Variants in TENT4B observed in about 807,000 individuals in gnomAD.
TENT4B encodes terminal nucleotidyltransferase 4B, also known as PAP associated domain containing 5.
TENT4B carries 10 observed loss-of-function variants against 75.0 expected under a neutral mutation model. The ratio of observed to expected loss-of-function variants is 0.13; its 90% CI spans 0.08 to 0.23. The LOEUF is 0.23. Among genes scored for constraint, TENT4B ranks in the 10% least tolerant of loss-of-function variants. The pLI is 1.00. For synonymous variants in TENT4B, 350 were observed against 357.7 expected (o/e 0.98, Z 0.24); for missense variants, 579 against 893.8 (o/e 0.65, Z 4.49).
chr16:50,178,737 G>A (rs926412212), intron 1 of TENT4B, among the ~76,000 whole-genome samples: 1 of 152,116 alleles, frequency 6.6e-6, no homozygotes, highest in Non-Finnish European at 1.5e-5. Flanking sequence ...ACTTATATGA[G>A]GTATCTGGAA....
rs1763366662 is a variant in TENT4B at position 50,234,541 on chromosome 16, G to A, written c.*5213G>A. 1 of 982,344 alleles carries A rather than the reference G, an allele frequency of 1.0e-6. No individual in the cohort carries two copies. The highest frequency in any genetic ancestry group is 6.2e-5 in the Admixed American group (1 of 16,258). 60.9% of individuals were successfully genotyped at this position (982,344 alleles called of 1,614,324 possible). On this transcript the variant is annotated 3_prime_UTR_variant, in exon 12 of 12. Coordinates refer to ENST00000561678, the MANE Select transcript of TENT4B (RefSeq NM_001365324.3). Reference sequence around the variant, plus strand: ...TCATTATTACCTTTTATATTTAGTTGCAATTTATTATAATATGTTGTTTTG... The same window carrying A: ...TCATTATTACCTTTTATATTTAGTTACAATTTATTATAATATGTTGTTTTG...
rs2032205600 is a variant in TENT4B, at chr16:50,229,502, AAAAC to A, written c.*178_*181del. The A allele has an allele frequency of 1.6e-6, 2 of 1,244,928 alleles. No homozygotes were observed. The allele number at this position is 1,244,928 out of a possible 1,614,324, so 77.1% of individuals were successfully genotyped here. A position where few individuals can be genotyped will look rare whatever the true frequency, so the allele number is the denominator to read the frequency against. Reference sequence around the variant, plus strand: ...ATCATGAAGACTGACAACTGCAAAAAAAACAAAACAAAACAAAAAAAAAAGCAAG... The same window carrying A: ...ATCATGAAGACTGACAACTGCAAAAAAAAACAAAACAAAAAAAAAAGCAAG... On this transcript the variant is annotated 3_prime_UTR_variant, in exon 12 of 12. Coordinates refer to ENST00000561678, the MANE Select transcript of TENT4B (RefSeq NM_001365324.3).
At position 50,233,348 on chromosome 16, in the gene TENT4B, A is replaced by G; in HGVS notation, c.*4020A>G. 4 of 985,450 alleles carry G rather than the reference A, an allele frequency of 4.1e-6. No homozygotes were observed. Among genetic ancestry groups the G allele is most frequent in the Non-Finnish European group, 4.8e-6 (4 of 829,924 alleles). 61.0% of individuals were successfully genotyped at this position (985,450 alleles called of 1,614,324 possible). ...TGGGTAGAATAAGTGTTAAAGATCA[A>G]ATTTTAATATGCTTCTCGATATTTA... On this transcript the variant is annotated 3_prime_UTR_variant, in exon 12 of 12. Transcript: ENST00000561678.
At chr16:50,161,134 T>C (rs1346320422) in intron 1 of TENT4B, among the ~76,000 whole-genome samples, 1 of 152,214 alleles carries the variant, frequency 6.6e-6, no homozygotes, top group Non-Finnish European at 1.5e-5. Flanking sequence ...CCAAAAAGGC[T>C]TTGAGTTTGT....
At chr16:50,167,167 T>C (rs1013617612) in intron 1 of TENT4B, among the ~76,000 whole-genome samples, 1 of 152,152 alleles carries the variant, frequency 6.6e-6, no homozygotes, top group African/African-American at 2.4e-5. Flanking sequence ...AGAAGAATTG[T>C]CTTGGGCCAC....
At chr16:50,210,830 A>G (rs2031240067) in intron 1 of TENT4B, among the ~76,000 whole-genome samples, 3 of 152,138 alleles carry the variant, frequency 2.0e-5, no homozygotes, top group Non-Finnish European at 2.9e-5. Flanking sequence ...CAGCTCCTTC[A>G]TGGAGCCTTT....
At chr16:50,181,147 T>C (rs1360064433) in intron 1 of TENT4B, among the ~76,000 whole-genome samples, 1 of 152,238 alleles carries the variant, frequency 6.6e-6, no homozygotes, top group Non-Finnish European at 1.5e-5. Context: ...AAATTGGTCT[T>C]GTACAAAAGT....
intron 1 of TENT4B, among the ~76,000 whole-genome samples, chr16:50,191,103 C>T (rs2038629618): frequency 6.6e-6 from 1 of 150,648 alleles, no homozygotes; most frequent in African/African-American, 2.5e-5. Context: ...ATTTGTTTCT[C>T]CATTTATCCA....
intron 1 of TENT4B, among the ~76,000 whole-genome samples, chr16:50,183,764 G>T (rs924691849): frequency 1.3e-5 from 2 of 152,118 alleles, no homozygotes; most frequent in African/African-American, 2.4e-5. Flanking sequence ...GGCAGATTTG[G>T]CCAGGCGCGG....
intron 1 of TENT4B, among the ~76,000 whole-genome samples, chr16:50,201,655 G>A (rs757392805): frequency 1.3e-5 from 2 of 151,676 alleles, no homozygotes; most frequent in Non-Finnish European, 2.9e-5. Context: ...CCAGCCTGGC[G>A]AACATGGCGA....
chr16:50,230,745 A>G lies in TENT4B; in HGVS notation c.*1417A>G. On this transcript the variant is annotated 3_prime_UTR_variant, in exon 12 of 12. Transcript: ENST00000561678. ...GTCAGCTTTGAGTGCAATGAGATGT[A>G]TAATTCTGTTATCATTACCTGTTGA... 1.0e-6 allele frequency: 1 copy of G among 985,810 alleles called. No homozygotes were observed. Among genetic ancestry groups the G allele is most frequent in the Non-Finnish European group, 1.2e-6 (1 of 829,908 alleles). 61.1% of individuals were successfully genotyped at this position (985,810 alleles called of 1,614,324 possible). A position where few individuals can be genotyped will look rare whatever the true frequency, so the allele number is the denominator to read the frequency against.
At chr16:50,222,100 A>G (rs1346091999) in intron 5 of TENT4B, among the ~76,000 whole-genome samples, 2 of 152,176 alleles carry the variant, frequency 1.3e-5, no homozygotes, top group Admixed American at 1.3e-4. Context: ...ATTCATTTGT[A>G]CATGTCTTAC....
intron 4 of TENT4B, among the ~76,000 whole-genome samples, chr16:50,217,161 T>C (rs1004741124): frequency 6.6e-6 from 1 of 152,222 alleles, no homozygotes; most frequent in Admixed American, 6.5e-5. Context: ...AAAATTATCA[T>C]TATAACTATA....
chr16:50,155,919 T>TA (rs2037889666), intron 1 of TENT4B, among the ~76,000 whole-genome samples: 1 of 152,210 alleles, frequency 6.6e-6, no homozygotes, highest in African/African-American at 2.4e-5. Context: ...TGCATGTGTC[T>TA]AGCAAAAGAT....
chr16:50,172,226 A>G (rs922474094), intron 1 of TENT4B, among the ~76,000 whole-genome samples: 2 of 151,862 alleles, frequency 1.3e-5, no homozygotes, highest in Non-Finnish European at 2.9e-5. Context: ...TAGGTGGTGC[A>G]TGCCTGTAAT....
chr16:50,166,195 A>G (rs2038096977), intron 1 of TENT4B, among the ~76,000 whole-genome samples: 1 of 148,394 alleles, frequency 6.7e-6, no homozygotes, highest in East Asian at 2.0e-4. Flanking sequence ...CAATTCTTGT[A>G]TCTCTCAGCC....
chr16:50,230,121 A>G lies in TENT4B; in HGVS notation c.*793A>G, dbSNP rs1028518525. 1.1e-5 allele frequency: 3 copies of G among 263,694 alleles called. No homozygotes were observed. Among genetic ancestry groups the G allele is most frequent in the Non-Finnish European group, 1.1e-5 (2 of 174,808 alleles). 16.3% of individuals were successfully genotyped at this position (263,694 alleles called of 1,614,324 possible). ...GCAAATGATGTTTATTTTATTTTGT[A>G]AAAAAAAAAAAATGTACTATGTACT... On this transcript the variant is annotated 3_prime_UTR_variant, in exon 12 of 12. Coordinates refer to ENST00000561678, the MANE Select transcript of TENT4B (RefSeq NM_001365324.3).
At position 50,231,519 on chromosome 16, in the gene TENT4B, G is replaced by C. The variant is rs759563076; in HGVS notation, c.*2191G>C. On this transcript the variant is annotated 3_prime_UTR_variant, in exon 12 of 12. Transcript: ENST00000561678. ...ATTGTTGAAAGTAAATGTACTCTTA[G>C]GGTGCGAATATTAGTGTTCCAATAA... The C allele has an allele frequency of 1.9e-4, 186 of 985,640 alleles. No homozygotes were observed. Among genetic ancestry groups the C allele is most frequent in the Middle Eastern group, 1.5e-3 (3 of 1,936 alleles). The allele number at this position is 985,640 out of a possible 1,614,324, so 61.1% of individuals were successfully genotyped here. A position where few individuals can be genotyped will look rare whatever the true frequency, so the allele number is the denominator to read the frequency against.
Position 50,174,308 on chromosome 16 carries a change from G to A in TENT4B, c.638+20049G>A, listed in dbSNP as rs2038262088. Among the ~76,000 whole-genome samples, 3 of 152,216 alleles carry A rather than the reference G, an allele frequency of 2.0e-5. No individual in the cohort carries two copies. The South Asian group carries it at 6.2e-4, about 32-fold the overall frequency. ...GGACAGGGTTTTGCCATGTTGGCCA[G>A]GCTGGTCTTGGACTCCTGGTCTTCA... On this transcript the variant is annotated intron_variant, in intron 1 of 11. Coordinates refer to ENST00000561678, the MANE Select transcript of TENT4B (RefSeq NM_001365324.3).
Sources: allele counts gnomAD v4.1 joint callset (sites outside exome capture counted in the v4.1 genomes callset), GRCh38; gene constraint gnomAD v4.1.1; transcripts MANE v1.5; gene names NCBI Gene and HGNC (gene_info 2026-07-23, HGNC 2026-07-21).